UNC5D: variants seen among roughly 807,000 people sequenced by gnomAD.
The protein encoded by UNC5D is unc-5 netrin receptor D, also known as netrin receptor UNC5D.
UNC5D carries 39 observed loss-of-function variants against 105.4 expected under a neutral mutation model. The ratio of observed to expected loss-of-function variants is 0.37; its 90% confidence interval spans 0.29 to 0.48. The LOEUF is 0.48. Ranked by LOEUF, UNC5D falls within the 20% of genes least tolerant of loss-of-function variation. The pLI, the probability that UNC5D is intolerant of heterozygous loss-of-function variation, is 0.98. For missense variants in UNC5D, 991 were observed against 1,202.4 expected (o/e 0.82, Z 2.60); for synonymous variants, 452 against 450.4 (o/e 1.00, Z -0.04).
intron 3 of UNC5D, among the ~76,000 whole-genome samples, chr8:35,595,235 A>G (rs1819415927): frequency 1.3e-5 from 2 of 152,188 alleles, no homozygotes; most frequent in Admixed American, 1.3e-4. Context: ...GTTTCATCAG[A>G]TGCTCAGCAG....
intron 1 of UNC5D, among the ~76,000 whole-genome samples, chr8:35,429,253 T>C (rs1432632454): frequency 1.3e-5 from 2 of 152,182 alleles, no homozygotes; most frequent in African/African-American, 4.8e-5. Context: ...GGAAGTGTTG[T>C]GCTAGAGATT....
chr8:35,419,387 G>A (rs559426238), intron 1 of UNC5D, among the ~76,000 whole-genome samples: 107 of 152,256 alleles, frequency 7.0e-4, no homozygotes, highest in South Asian at 2.1e-3. Flanking sequence ...CCCAGATTCC[G>A]TGCCTGCTGC....
intron 3 of UNC5D, among the ~76,000 whole-genome samples, chr8:35,576,059 A>C (rs1040149479): frequency 3.3e-5 from 5 of 152,202 alleles, no homozygotes; most frequent in African/African-American, 4.8e-5. Flanking sequence ...TCCAGTTTAC[A>C]CAAAGGTACC....
intron 1 of UNC5D, among the ~76,000 whole-genome samples, chr8:35,391,847 A>G (rs1169253111): frequency 6.6e-6 from 1 of 152,206 alleles, no homozygotes; most frequent in Non-Finnish European, 1.5e-5. Context: ...AATATTGGTG[A>G]GGAAGCCATT....
intron 1 of UNC5D, among the ~76,000 whole-genome samples, chr8:35,411,767 C>G (rs1327891446): frequency 6.6e-6 from 1 of 151,982 alleles, no homozygotes; most frequent in Non-Finnish European, 1.5e-5. Context: ...AGAATAGAAT[C>G]TCCAGGAGAG....
At chr8:35,575,062 G>C (rs1004866609) in intron 3 of UNC5D, among the ~76,000 whole-genome samples, 3 of 152,046 alleles carry the variant, frequency 2.0e-5, no homozygotes, top group Non-Finnish European at 4.4e-5. Context: ...GGCACCCCCA[G>C]CTTCAAAATT....
intron 1 of UNC5D, among the ~76,000 whole-genome samples, chr8:35,339,691 G>T (rs142090183): frequency 2.0e-5 from 3 of 152,298 alleles, no homozygotes; most frequent in African/African-American, 7.2e-5. Context: ...CTGAATCCAG[G>T]TTCCAATGCT....
intron 1 of UNC5D, among the ~76,000 whole-genome samples, chr8:35,385,496 C>T (rs546713420): frequency 1.0e-4 from 14 of 135,630 alleles, no homozygotes; most frequent in African/African-American, 3.6e-4. Context: ...GACAGAGTCT[C>T]GCTCTGTCGC....
intron 1 of UNC5D, among the ~76,000 whole-genome samples, chr8:35,441,624 G>A (rs573411895): frequency 4.6e-5 from 7 of 151,724 alleles, no homozygotes; most frequent in South Asian, 2.1e-4. Context: ...TATGTTAGAC[G>A]TGGGTCACTG....
intron 1 of UNC5D, among the ~76,000 whole-genome samples, chr8:35,485,168 A>C (rs952805229): frequency 3.3e-5 from 5 of 152,192 alleles, no homozygotes; most frequent in Admixed American, 3.3e-4. Context: ...AGAAAGCAGG[A>C]CAGGCAAGAC....
intron 1 of UNC5D, chr8:35,254,496 A>G (rs952525736): frequency 6.6e-6 from 1 of 152,212 alleles, no homozygotes; most frequent in African/African-American, 2.4e-5. Context: ...AGAAAAGTTG[A>G]AGAGACACAT....
intron 3 of UNC5D, among the ~76,000 whole-genome samples, chr8:35,591,337 T>C (rs2130884166): frequency 1.3e-5 from 2 of 152,292 alleles, no homozygotes; most frequent in South Asian, 4.1e-4. Flanking sequence ...TCCATATTCT[T>C]GTTCCATTAT....
chr8:35,456,252 T>C (rs376202347), intron 1 of UNC5D, among the ~76,000 whole-genome samples: 55 of 152,156 alleles, frequency 3.6e-4, no homozygotes, highest in African/African-American at 1.3e-3. Context: ...CTCTTTTGGC[T>C]AGTGGTTGTC....
chr8:35,596,526 C>T (rs1032927369), intron 4 of UNC5D, among the ~76,000 whole-genome samples: 1 of 152,124 alleles, frequency 6.6e-6, no homozygotes, highest in Non-Finnish European at 1.5e-5. Context: ...GTTGAGGATG[C>T]GTGCCCATGA....
At chr8:35,396,167 A>G (rs1011160515) in intron 1 of UNC5D, among the ~76,000 whole-genome samples, 5 of 152,086 alleles carry the variant, frequency 3.3e-5, no homozygotes, top group Non-Finnish European at 5.9e-5. Context: ...TCTGAAATCT[A>G]CATTTAGGAA....
chr8:35,257,429 G>A (rs757159952), intron 1 of UNC5D, among the ~76,000 whole-genome samples: 2 of 152,154 alleles, frequency 1.3e-5, no homozygotes, highest in Non-Finnish European at 2.9e-5. Flanking sequence ...CCCTACTAGT[G>A]TTATGCTGGC....
At chr8:35,652,135 C>T (rs142198401) in intron 4 of UNC5D, among the ~76,000 whole-genome samples, 1 of 152,078 alleles carries the variant, frequency 6.6e-6, no homozygotes, top group Admixed American at 6.6e-5. Context: ...ATCCTTATAG[C>T]CTTGCATACA....
At chr8:35,340,029 G>A (rs1357321975) in intron 1 of UNC5D, among the ~76,000 whole-genome samples, 1 of 152,098 alleles carries the variant, frequency 6.6e-6, no homozygotes, top group Non-Finnish European at 1.5e-5. Context: ...CTACATGATT[G>A]CTATTTTTGC....
At chr8:35,486,200 T>C (rs1014367193) in intron 1 of UNC5D, among the ~76,000 whole-genome samples, 2 of 152,218 alleles carry the variant, frequency 1.3e-5, no homozygotes, top group Non-Finnish European at 2.9e-5. Flanking sequence ...TGAGTAGATA[T>C]AAATGCCATT....
Sources: allele counts gnomAD v4.1 joint callset (sites outside exome capture counted in the v4.1 genomes callset), GRCh38; gene constraint gnomAD v4.1.1; transcripts MANE v1.5; gene names NCBI Gene and HGNC (gene_info 2026-07-23, HGNC 2026-07-21).